The following CDYL variants were observed in gnomAD, a reference collection of about 807,000 sequenced individuals.
CDYL encodes chromodomain Y-like protein.
A neutral mutation model predicts 47.3 loss-of-function variants in CDYL; 8 were observed. That is an observed-to-expected ratio of 0.17 (90% CI 0.10 to 0.31). CDYL has a LOEUF of 0.31. Ranked by LOEUF, CDYL falls within the 10% of genes least tolerant of loss-of-function variation. CDYL has a pLI of 1.00. For synonymous variants in CDYL, 266 were observed against 265.0 expected (o/e 1.00, Z -0.04); for missense variants, 471 against 701.4 (o/e 0.67, Z 3.71).
chr6:4,820,865 G>A (rs1759815156), intron 1 of CDYL, among the ~76,000 whole-genome samples: 2 of 152,260 alleles, frequency 1.3e-5, no homozygotes. Context: ...GCAGAAACAC[G>A]GGAATCATGA....
At chr6:4,952,749 A>G (rs1758746873) in intron 6 of CDYL, among the ~76,000 whole-genome samples, 1 of 152,054 alleles carries the variant, frequency 6.6e-6, no homozygotes, top group African/African-American at 2.4e-5. Context: ...GTTTCCCCAC[A>G]GTGGGCCTAA....
intron 5 of CDYL, among the ~76,000 whole-genome samples, chr6:4,944,124 T>C (rs571806158): frequency 3.9e-4 from 60 of 152,300 alleles, no homozygotes; most frequent in African/African-American, 1.4e-3. Context: ...GATTAGAGGG[T>C]TGTCGTCCAT....
At chr6:4,780,255 A>G (rs1758575141) in intron 1 of CDYL, among the ~76,000 whole-genome samples, 1 of 146,586 alleles carries the variant, frequency 6.8e-6, no homozygotes. Flanking sequence ...TTTTTTCAAG[A>G]GTCTTGCTCT....
chr6:4,931,753 A>G (rs562335811), intron 2 of CDYL, among the ~76,000 whole-genome samples: 22 of 152,290 alleles, frequency 1.4e-4, no homozygotes, highest in African/African-American at 4.3e-4. Context: ...TGAAGCTCCA[A>G]CAAGATCACA....
intron 3 of CDYL, among the ~76,000 whole-genome samples, chr6:4,745,614 A>G (rs552094174): frequency 3.4e-4 from 51 of 152,136 alleles, no homozygotes; most frequent in African/African-American, 1.1e-3. Flanking sequence ...GTTAAATAAC[A>G]CTGAGTGTCC....
At chr6:4,821,257 A>ATTTTTT (rs1561653727) in intron 1 of CDYL, among the ~76,000 whole-genome samples, 2 of 125,480 alleles carry the variant, frequency 1.6e-5, no homozygotes, top group African/African-American at 6.5e-5. Context: ...TCATATGGGA[A>ATTTTTT]TTCTTTTTTT....
At chr6:4,891,472 C>T (rs1406829888) in intron 1 of CDYL, among the ~76,000 whole-genome samples, 2 of 152,192 alleles carry the variant, frequency 1.3e-5, no homozygotes, top group African/African-American at 4.8e-5. Flanking sequence ...TCACAAGAAA[C>T]ATAAGTCACC....
rs542416077 is a variant in CDYL at position 4,876,997 on chromosome 6, C to T, written c.25-14716C>T. On this transcript the variant is annotated intron_variant, in intron 1 of 6. Transcript: ENST00000397588. ...GAGGCCCAAGAGAGCTTCTTTGTCCCTTCCACCACGTGAGGGCACATAAAA... is the reference window on the plus strand; with the variant it reads ...GAGGCCCAAGAGAGCTTCTTTGTCCTTTCCACCACGTGAGGGCACATAAAA... Among the ~76,000 whole-genome samples the T allele has an allele frequency of 4.1e-4, 62 of 152,350 alleles. 1 individual carries two copies. The highest frequency in any genetic ancestry group is 1.5e-3 in the African/African-American group (62 of 41,572).
intron 2 of CDYL, among the ~76,000 whole-genome samples, chr6:4,915,132 T>TA (rs2127503230): frequency 6.6e-6 from 1 of 152,366 alleles, no homozygotes; most frequent in African/African-American, 2.4e-5. Context: ...GCCCCACTGT[T>TA]TAGTCACACT....
chr6:4,930,890 TG>T (rs1399599975), intron 2 of CDYL, among the ~76,000 whole-genome samples: 1 of 152,238 alleles, frequency 6.6e-6, no homozygotes, highest in Non-Finnish European at 1.5e-5. Context: ...AGAGGCAACT[TG>T]TACTCCCGTG....
intron 5 of CDYL, among the ~76,000 whole-genome samples, chr6:4,951,621 C>T (rs1304998462): frequency 6.6e-6 from 1 of 151,982 alleles, no homozygotes; most frequent in Non-Finnish European, 1.5e-5. Flanking sequence ...TTTTTCGCCA[C>T]ATTCAAGCCC....
At chr6:4,879,310 A>T (rs918616206) in intron 1 of CDYL, among the ~76,000 whole-genome samples, 6 of 152,114 alleles carry the variant, frequency 3.9e-5, no homozygotes, top group Non-Finnish European at 5.9e-5. Flanking sequence ...TTCTCCCTTA[A>T]GTTCTGTCAG....
chr6:4,950,015 C>T (rs1414746024), intron 5 of CDYL, among the ~76,000 whole-genome samples: 4 of 152,104 alleles, frequency 2.6e-5, no homozygotes, highest in South Asian at 2.1e-4. Context: ...GGCCTGGAGC[C>T]GGCGGGGCTG....
At chr6:4,712,748 TGA>T (rs932192560) in intron 1 of CDYL, among the ~76,000 whole-genome samples, 2 of 152,186 alleles carry the variant, frequency 1.3e-5, no homozygotes, top group Non-Finnish European at 2.9e-5. Flanking sequence ...AGAAACTGGA[TGA>T]GAGAGCAAAG....
rs562470407 is a variant in CDYL, at chr6:4,836,417, T to C, written c.25-55296T>C. On this transcript the variant is annotated intron_variant, in intron 1 of 6. Transcript: ENST00000397588. The stretch of plus-strand genomic sequence containing the variant: ...CATTTTCTGTTTGCTTCAGTTTACT[T>C]TTTATTTTTTTCCTTTCCCTTATGG... 105 of 277,600 alleles carry C rather than the reference T, an allele frequency of 3.8e-4. 1 individual carries two copies. The highest frequency in any genetic ancestry group is 2.3e-3 in the African/African-American group (101 of 43,728). The allele number at this position is 277,600 out of a possible 1,614,324, so 17.2% of individuals were successfully genotyped here.
Position 4,908,861 on chromosome 6 carries a change from T to C in CDYL, c.691+16482T>C, listed in dbSNP as rs145461319. On this transcript the variant is annotated intron_variant, in intron 2 of 6. Transcript: ENST00000397588. ...TACCGTGGCACTTCCTCACTGGAGG[T>C]CACCTCTCCTGTGCATGGTCACATT... 1.1e-4 allele frequency among the ~76,000 whole-genome samples: 17 copies of C among 152,258 alleles called. No individual in the cohort carries two copies. The East Asian group carries it at 1.5e-3, about 14-fold the overall frequency.
At chr6:4,894,963 G>T (rs28580117) in intron 2 of CDYL, among the ~76,000 whole-genome samples, 126,031 of 149,370 alleles carry the variant, frequency 0.84, 56,463 homozygotes, top group Non-Finnish European at 0.99. Flanking sequence ...GTATATATAC[G>T]TATGTGTATA....
In CDYL at chr6:4,923,919, CAA is replaced by C. The variant is rs1185001549; in HGVS notation, c.692-11585_692-11584del. On this transcript the variant is annotated intron_variant, in intron 2 of 6. Coordinates refer to ENST00000397588, the MANE Select transcript of CDYL (RefSeq NM_004824.4). The stretch of plus-strand genomic sequence containing the variant: ...CCGTCTCAAAAAAAAAAAAAAAAAT[CAA>C]AAAAAAAAAAGAGTTCCCCTTTCTC... 2.6e-3 allele frequency among the ~76,000 whole-genome samples: 291 copies of C among 112,862 alleles called. 1 individual carries two copies. Among genetic ancestry groups the C allele is most frequent in the African/African-American group, 9.0e-3 (282 of 31,354 alleles). 74.0% of individuals were successfully genotyped at this position (112,862 alleles called of 152,430 possible). A position where few individuals can be genotyped will look rare whatever the true frequency, so the allele number is the denominator to read the frequency against.
intron 1 of CDYL, among the ~76,000 whole-genome samples, chr6:4,783,397 C>A (rs1183471541): frequency 2.6e-5 from 4 of 151,228 alleles, no homozygotes; most frequent in Non-Finnish European, 5.9e-5. Flanking sequence ...TTCTGCCTTG[C>A]CTTTGCACTA....
Sources: allele counts gnomAD v4.1 joint callset (sites outside exome capture counted in the v4.1 genomes callset), GRCh38; gene constraint gnomAD v4.1.1; transcripts MANE v1.5; gene names NCBI Gene and HGNC (gene_info 2026-07-23, HGNC 2026-07-21).